Variants in DPH6 observed in about 807,000 individuals in gnomAD.
DPH6 encodes diphthamine biosynthesis 6, also known as diphthine--ammonia ligase.
Under a neutral mutation model 38.2 loss-of-function variants are expected in DPH6, and 33 were observed. The observed-to-expected ratio is 0.86, with a 90% CI of 0.65 to 1.15. DPH6 has a LOEUF of 1.15. Ranked by LOEUF, DPH6 falls within the 50% of genes most tolerant of loss-of-function variation. The pLI, the probability that DPH6 is intolerant of heterozygous loss-of-function variation, is 0.00. For synonymous variants in DPH6, 108 were observed against 103.0 expected (o/e 1.05, Z -0.30); for missense variants, 325 against 320.0 (o/e 1.02, Z -0.12).
chr15:35,452,595 A>G (rs1231366274), intron 4 of DPH6, among the ~76,000 whole-genome samples: 1 of 152,106 alleles, frequency 6.6e-6, no homozygotes, highest in African/African-American at 2.4e-5. Flanking sequence ...TTTTTCATTT[A>G]CATATACCCT....
chr15:35,306,010 G>A lies in DPH6; in HGVS notation n.200+67511C>T, dbSNP rs72708936. 1.7e-3 allele frequency among the ~76,000 whole-genome samples: 264 copies of A among 152,138 alleles called. 1 individual carries two copies. Among genetic ancestry groups the A allele is most frequent in the East Asian group, 5.0e-3 (26 of 5,172 alleles). Reference sequence around the variant, plus strand: ...TTTGTTCTTCCTATGTTCTGACCTGGGCCCCTAGCCTTAAGACAGCAGTGT... The same window carrying A: ...TTTGTTCTTCCTATGTTCTGACCTGAGCCCCTAGCCTTAAGACAGCAGTGT... On this transcript the variant is annotated intron_variant and non_coding_transcript_variant, in intron 3 of 3. Coordinates refer to the DPH6 transcript ENST00000560386.
intron 3 of DPH6, among the ~76,000 whole-genome samples, chr15:35,318,615 T>G (rs2140840027): frequency 6.6e-6 from 1 of 152,300 alleles, no homozygotes; most frequent in Admixed American, 6.5e-5. Context: ...AAGTACATTC[T>G]TTGACCACTA....
At chr15:35,460,141 T>C (rs1206856425) in intron 3 of DPH6, among the ~76,000 whole-genome samples, 1 of 152,156 alleles carries the variant, frequency 6.6e-6, no homozygotes, top group Non-Finnish European at 1.5e-5. Flanking sequence ...AGGAGAAAGC[T>C]GCAGTCATGA....
intron 3 of DPH6, among the ~76,000 whole-genome samples, chr15:35,353,826 G>A (rs1266309027): frequency 6.6e-6 from 1 of 152,136 alleles, no homozygotes; most frequent in Non-Finnish European, 1.5e-5. Flanking sequence ...GAAAGTCATT[G>A]GTAGCTTGAT....
intron 6 of DPH6, among the ~76,000 whole-genome samples, chr15:35,405,803 T>C (rs2053284455): frequency 6.6e-6 from 1 of 152,074 alleles, no homozygotes; most frequent in Non-Finnish European, 1.5e-5. Context: ...TTTCAGTTTT[T>C]CCCCATTCAG....
intron 3 of DPH6, among the ~76,000 whole-genome samples, chr15:35,529,343 C>T (rs2055051943): frequency 6.6e-6 from 1 of 152,108 alleles, no homozygotes; most frequent in African/African-American, 2.4e-5. Flanking sequence ...GTGCTAAACA[C>T]TTTCAAACAA....
At chr15:35,490,526 G>A (rs2054462854) in intron 3 of DPH6, among the ~76,000 whole-genome samples, 1 of 152,110 alleles carries the variant, frequency 6.6e-6, no homozygotes, top group Non-Finnish European at 1.5e-5. Context: ...ATTCATTCAT[G>A]CTATTTTACT....
downstream of DPH6, among the ~76,000 whole-genome samples, chr15:35,215,244 T>C (rs1042594574): frequency 2.0e-5 from 3 of 152,234 alleles, no homozygotes; most frequent in African/African-American, 4.8e-5. Context: ...CAAATATTTA[T>C]ATAACTTATC....
chr15:35,336,938 T>C (rs1595485740), intron 3 of DPH6, among the ~76,000 whole-genome samples: 1 of 152,116 alleles, frequency 6.6e-6, no homozygotes, highest in Non-Finnish European at 1.5e-5. Context: ...CTGGCTTTGG[T>C]ATCAGGATGA....
chr15:35,478,893 C>T (rs1298395794), intron 3 of DPH6, among the ~76,000 whole-genome samples: 1 of 151,926 alleles, frequency 6.6e-6, no homozygotes, highest in Non-Finnish European at 1.5e-5. Context: ...TTCTCAGATT[C>T]CTAATTAAGA....
chr15:35,326,041 G>A (rs1295234452), downstream of DPH6, among the ~76,000 whole-genome samples: 1 of 151,994 alleles, frequency 6.6e-6, no homozygotes, highest in Admixed American at 6.6e-5. Context: ...TTAAAAACCC[G>A]ACAGTACCAA....
chr15:35,151,792 A>C, the DPH6 span, among the ~76,000 whole-genome samples: 4 of 152,226 alleles, frequency 2.6e-5, no homozygotes, highest in Non-Finnish European at 2.9e-5. Flanking sequence ...TTATTATAAA[A>C]TAAAAATGCG....
At chr15:35,465,521 G>T (rs1437985745) in intron 3 of DPH6, among the ~76,000 whole-genome samples, 1 of 152,068 alleles carries the variant, frequency 6.6e-6, no homozygotes, top group Admixed American at 6.6e-5. Context: ...AATTACACAA[G>T]TCTAGGCTAA....
At chr15:35,238,008 A>G (rs578069716) in intron 3 of DPH6, 1 of 1,525,726 alleles carries the variant, frequency 6.6e-7, no homozygotes, top group South Asian at 1.1e-5. Context: ...CGTGAAGAAG[A>G]AAGGGGTCAG....
chr15:35,220,289 C>T (rs1383079703), exon 4 of DPH6: 1 of 152,164 alleles, frequency 6.6e-6, no homozygotes, highest in Non-Finnish European at 1.5e-5. Context: ...CACCTCCCAA[C>T]CTCTCCCCAC....
In DPH6 at chr15:35,275,008, G is replaced by A. The variant is rs906191092; in HGVS notation, n.201-54426C>T. On this transcript the variant is annotated intron_variant and non_coding_transcript_variant, in intron 3 of 3. Transcript: ENST00000560386. ...CGGCTCACTGCAAGCTCTGCCTCCC[G>A]GGTTCACGCCATTCTCCTGCCTCAG... Among the ~76,000 whole-genome samples the A allele has an allele frequency of 2.3e-4, 35 of 151,932 alleles. No individual in the cohort carries two copies. The East Asian group carries it at 2.3e-3, about 10-fold the overall frequency.
chr15:35,419,874 T>C (rs2053482479), intron 5 of DPH6, among the ~76,000 whole-genome samples: 1 of 152,076 alleles, frequency 6.6e-6, no homozygotes, highest in Admixed American at 6.5e-5. Context: ...CAACATTGGA[T>C]AAAACTTCCA....
intron 3 of DPH6, among the ~76,000 whole-genome samples, chr15:35,255,089 T>G (rs2140412572): frequency 6.6e-6 from 1 of 152,322 alleles, no homozygotes; most frequent in South Asian, 2.1e-4. Context: ...TGGCCTGGGC[T>G]CAGAGGCCTG....
At chr15:35,395,055 A>C (rs2053113672) in intron 6 of DPH6, among the ~76,000 whole-genome samples, 1 of 152,204 alleles carries the variant, frequency 6.6e-6, no homozygotes, top group Admixed American at 6.5e-5. Flanking sequence ...ATCTGAAATT[A>C]AATATGTGTA....
Sources: gnomAD v4.1 joint callset for allele counts (sites outside exome capture counted in the v4.1 genomes callset) on GRCh38, gnomAD v4.1.1 for gene constraint, MANE v1.5 for transcripts, NCBI Gene and HGNC (gene_info 2026-07-23, HGNC 2026-07-21) for gene names.